Variants in TTC21B observed in about 807,000 individuals in gnomAD.
TTC21B encodes tetratricopeptide repeat domain 21B.
Under a neutral mutation model 175.1 loss-of-function variants are expected in TTC21B, and 127 were observed. The observed-to-expected ratio is 0.73, with a 90% CI of 0.63 to 0.84. TTC21B has a LOEUF of 0.84. TTC21B is among the 40% of genes least tolerant of loss of function. The pLI, the probability that TTC21B is intolerant of heterozygous loss-of-function variation, is 0.00. For missense variants in TTC21B, 1,561 were observed against 1,558.3 expected (o/e 1.00, Z -0.03); for synonymous variants, 524 against 524.5 (o/e 1.00, Z 0.01).
At chr2:165,929,924 C>A (rs1686823655) in intron 9 of TTC21B, among the ~76,000 whole-genome samples, 177 bp from the exon 10 acceptor site, 1 of 151,988 alleles carries the variant, frequency 6.6e-6, no homozygotes, top group Non-Finnish European at 1.5e-5. Context: ...AATGGGTAGC[C>A]TTGGACCTTA....
At chr2:165,931,505 A>G (rs1686905073) in intron 8 of TTC21B, among the ~76,000 whole-genome samples, 2 of 152,056 alleles carry the variant, frequency 1.3e-5, no homozygotes, top group Non-Finnish European at 2.9e-5. Context: ...ACCACCTTCT[A>G]TTTCCTTTGT....
At position 165,953,697 on chromosome 2, in the gene TTC21B, C is replaced by T; in HGVS notation, c.9G>A (p.Ser3=). 2 of 1,375,954 alleles carry T rather than the reference C, an allele frequency of 1.5e-6. No homozygotes were observed. Among genetic ancestry groups the T allele is most frequent in the African/African-American group, 4.5e-5 (2 of 44,732 alleles). The allele number at this position is 1,375,954 out of a possible 1,614,324, so 85.2% of individuals were successfully genotyped here. A position where few individuals can be genotyped will look rare whatever the true frequency, so the allele number is the denominator to read the frequency against. Reference sequence around the variant, plus strand: ...CTCACCCGCTCACCTTCAATTCCTGCGAGTCCATGGCTGCCCCGAGGCCGG... The same window carrying T: ...CTCACCCGCTCACCTTCAATTCCTGTGAGTCCATGGCTGCCCCGAGGCCGG... MD[S]QELKTLINYY... Residue 3 remains serine (S), a synonymous_variant, in exon 1 of 29, where the codon TCG becomes TCA. Coordinates refer to ENST00000243344, the MANE Select transcript of TTC21B (RefSeq NM_024753.5).
chr2:165,938,496 T>C (rs1687246350), intron 6 of TTC21B, among the ~76,000 whole-genome samples: 1 of 151,858 alleles, frequency 6.6e-6, no homozygotes. Context: ...CATGAAGTAA[T>C]TGCCAAAACA....
At chr2:165,938,815 C>G (rs1341339495) in intron 6 of TTC21B, among the ~76,000 whole-genome samples, 1 of 151,684 alleles carries the variant, frequency 6.6e-6, no homozygotes, top group African/African-American at 2.4e-5. Context: ...GAGACAGCCT[C>G]GAGACTTTAA....
intron 13 of TTC21B, among the ~76,000 whole-genome samples, chr2:165,918,212 C>T (rs1686250427): frequency 1.3e-5 from 2 of 152,206 alleles, no homozygotes; most frequent in South Asian, 4.1e-4. Context: ...GAGATTTTGA[C>T]TCAGTAAAGG....
Position 165,949,477 on chromosome 2 carries a change from A to T in TTC21B, c.179T>A (p.Phe60Tyr), listed in dbSNP as rs371571631. ...EGKTQEALRE[F>Y]EAIKNKQDVS... The stretch of plus-strand genomic sequence containing the variant: ...ATCTTGTTTATTTTTAATAGCCTCA[A>T]ATTCTCGAAGAGCTTCTTGAGTTTT... The change falls in exon 3 of 29, where the codon TTT becomes TAT. Residue 60 changes from phenylalanine to tyrosine, a missense_variant. Coordinates refer to ENST00000243344, the MANE Select transcript of TTC21B (RefSeq NM_024753.5). 6.8e-5 allele frequency: 109 copies of T among 1,613,794 alleles called. 1 individual carries two copies. Among genetic ancestry groups the T allele is most frequent in the Non-Finnish European group, 8.7e-5 (103 of 1,179,896 alleles).
chr2:165,884,007 G>A lies in TTC21B; in HGVS notation c.3471C>T (p.Ile1157=). The change falls in exon 26 of 29, where the codon ATC becomes ATT. Residue 1157 remains isoleucine (I), a synonymous_variant. Transcript: ENST00000243344. ...TEIAASEKEH[I]PALLGMATAY... ...CCGTTGCCATTCCCAAGAGCGCTGG[G>A]ATATGCTCCTTCTATAAGAAAACAA... The A allele has an allele frequency of 6.2e-6, 10 of 1,613,964 alleles. No individual in the cohort carries two copies. Among genetic ancestry groups the A allele is most frequent in the Non-Finnish European group, 8.5e-6 (10 of 1,179,940 alleles).
chr2:165,907,574 G>T (rs929687943), intron 19 of TTC21B, 104 bp downstream of exon 19: 1 of 736,616 alleles, frequency 1.4e-6, no homozygotes, highest in Non-Finnish European at 2.4e-6. Context: ...CATATTTTCT[G>T]TAGCTGTTTG....
chr2:165,923,644 A>G (rs2105334686), intron 12 of TTC21B, among the ~76,000 whole-genome samples: 1 of 149,692 alleles, frequency 6.7e-6, no homozygotes, highest in South Asian at 2.1e-4. Context: ...GGATTTCACC[A>G]TGTTAGCCAG....
chr2:165,920,703 G>C lies in TTC21B; in HGVS notation c.1517-1270C>G, dbSNP rs140707663. On this transcript the variant is annotated intron_variant, in intron 12 of 28. Coordinates refer to ENST00000243344, the MANE Select transcript of TTC21B (RefSeq NM_024753.5). ...ATGAGTAACAGAAATGAGAATCTTTGTTTCTTTTAAGGGTGAGGAGATGGA... is the reference window on the plus strand; with the variant it reads ...ATGAGTAACAGAAATGAGAATCTTTCTTTCTTTTAAGGGTGAGGAGATGGA... Among the ~76,000 whole-genome samples, 47 of 116,810 alleles carry C rather than the reference G, an allele frequency of 4.0e-4. No homozygotes were observed. The East Asian group carries it at 5.9e-3, about 15-fold the overall frequency. 76.6% of individuals were successfully genotyped at this position (116,810 alleles called of 152,430 possible).
chr2:165,949,281 C>G, intron 3 of TTC21B, 113 bp downstream of exon 3: 3 of 810,710 alleles, frequency 3.7e-6, no homozygotes. Flanking sequence ...TAAATTGTAC[C>G]TACAGAAAAT....
At position 165,919,256 on chromosome 2, in the gene TTC21B, C is replaced by A; in HGVS notation, c.1674+20G>T. On this transcript the variant is annotated intron_variant, in intron 13 of 28. Coordinates refer to ENST00000243344, the MANE Select transcript of TTC21B (RefSeq NM_024753.5). ...CAAGGAGGGTGATATGTCTTATCCA[C>A]TTCAGTCTGGAATACTTACCTTAAA... The A allele has an allele frequency of 6.2e-7, 1 of 1,613,388 alleles. No homozygotes were observed. The highest frequency in any genetic ancestry group is 8.5e-7 in the Non-Finnish European group (1 of 1,179,492).
chr2:165,905,649 G>A (rs191286872), intron 19 of TTC21B, among the ~76,000 whole-genome samples: 45 of 151,986 alleles, frequency 3.0e-4, no homozygotes, highest in Admixed American at 2.9e-3. Flanking sequence ...AATAAATGAA[G>A]CAAAAATACA....
intron 20 of TTC21B, among the ~76,000 whole-genome samples, chr2:165,900,844 T>C (rs1314641071): frequency 5.9e-5 from 9 of 151,978 alleles, no homozygotes; most frequent in Non-Finnish European, 1.3e-4. Flanking sequence ...ATTTGCAGGT[T>C]GCTTTATATT....
At chr2:165,887,229 G>A (rs749324925) in intron 25 of TTC21B, among the ~76,000 whole-genome samples, 3 of 152,102 alleles carry the variant, frequency 2.0e-5, no homozygotes, top group Non-Finnish European at 4.4e-5. Flanking sequence ...GCAAAATTCT[G>A]TATGTTCTCT....
intron 11 of TTC21B, chr2:165,928,814 G>C (rs918494561): frequency 2.4e-5 from 8 of 327,250 alleles, no homozygotes; most frequent in African/African-American, 1.5e-4. Context: ...TCCAGACATG[G>C]GATAGACATT....
chr2:165,887,757 A>C (rs1685056648), intron 25 of TTC21B, among the ~76,000 whole-genome samples: 2 of 152,206 alleles, frequency 1.3e-5, no homozygotes, highest in South Asian at 4.1e-4. Context: ...TTATAAAATA[A>C]TACTATGAAA....
At chr2:165,943,582 A>ATC (rs2105363680) in intron 4 of TTC21B, among the ~76,000 whole-genome samples, 1 of 152,298 alleles carries the variant, frequency 6.6e-6, no homozygotes, top group African/African-American at 2.4e-5. Flanking sequence ...AAAATTAAGA[A>ATC]GCTTATCAAA....
chr2:165,922,566 C>CAAAAAA lies in TTC21B; in HGVS notation c.1516+1977_1516+1982dup, dbSNP rs71031215. Among the ~76,000 whole-genome samples the CAAAAAA allele has an allele frequency of 8.2e-5, 8 of 97,398 alleles. 1 individual carries two copies. The highest frequency in any genetic ancestry group is 1.2e-4 in the African/African-American group (3 of 25,380). The allele number at this position is 97,398 out of a possible 152,430, so 63.9% of individuals were successfully genotyped here. ...GCCGGAATAGCCACTATTAAAAAGT[C>CAAAAAA]AAAAAAAAAAAAAAAAAAAAGACGT... On this transcript the variant is annotated intron_variant, in intron 12 of 28. Transcript: ENST00000243344.
Sources: allele counts gnomAD v4.1 joint callset (sites outside exome capture counted in the v4.1 genomes callset), GRCh38; gene constraint gnomAD v4.1.1; transcripts MANE v1.5; gene names NCBI Gene and HGNC (gene_info 2026-07-23, HGNC 2026-07-21).